The following CHST3 variants were observed in gnomAD, a reference collection of about 807,000 sequenced individuals.
The protein encoded by CHST3 is C6ST-1.
In CHST3, 20 loss-of-function variants were observed where a neutral mutation model predicts 35.4. The observed-to-expected ratio is 0.57, with a 90% CI of 0.40 to 0.82. CHST3 has a LOEUF of 0.82. CHST3 is among the 40% of genes least tolerant of loss of function. CHST3 has a pLI of 0.00. For missense variants in CHST3, 693 were observed against 670.1 expected (o/e 1.03, Z -0.38); for synonymous variants, 334 against 295.9 (o/e 1.13, Z -1.32).
At position 72,005,918 on chromosome 10, in the gene CHST3, C is replaced by T; in HGVS notation, c.76C>T (p.Leu26Phe). The change falls in exon 2 of 3, where the codon CTT (leucine) becomes TTT (phenylalanine). Residue 26 changes from leucine (L) to phenylalanine (F), a missense_variant. Leu to Phe is a conservative substitution (Grantham distance 22, BLOSUM62 0). Transcript: ENST00000373115. The stretch of plus-strand genomic sequence containing the variant: ...CCTGAAGATGAGAAGCAAATACGCC[C>T]TTTTCTTGGTTTTTGTGGTGATAGT... ...HSLKMRSKYA[L>F]FLVFVVIVFV... The T allele has an allele frequency of 6.2e-7, 1 of 1,614,136 alleles. No homozygotes were observed. Among genetic ancestry groups the T allele is most frequent in the Non-Finnish European group, 8.5e-7 (1 of 1,180,026 alleles).
intron 1 of CHST3, among the ~76,000 whole-genome samples, chr10:71,986,426 G>T (rs1451814963): frequency 6.6e-6 from 1 of 152,188 alleles, no homozygotes; most frequent in South Asian, 2.1e-4. Flanking sequence ...TAAAACAGCC[G>T]CAGCAGATTC....
intron 1 of CHST3, among the ~76,000 whole-genome samples, chr10:72,001,732 A>C (rs185146600): frequency 6.6e-6 from 1 of 152,144 alleles, no homozygotes; most frequent in East Asian, 1.9e-4. Flanking sequence ...TGGCCTCCCA[A>C]AGTGCTGGGA....
intron 1 of CHST3, among the ~76,000 whole-genome samples, chr10:71,997,462 C>G (rs1324381718): frequency 1.3e-5 from 2 of 152,178 alleles, no homozygotes; most frequent in Non-Finnish European, 2.9e-5. Context: ...GCCACCTGCT[C>G]TCTCCTGGAC....
Position 72,007,120 on chromosome 10 carries a change from G to T in CHST3, c.141-52G>T. 1.6e-5 allele frequency: 26 copies of T among 1,598,958 alleles called. No homozygotes were observed. In the South Asian group the frequency reaches 2.8e-4, roughly 17 times the overall value. ...TTGGAGGACTGCTTAGGGTTGCCCA[G>T]GAGACGGGGTCCCCAGTCAGCCACT... On this transcript the variant is annotated intron_variant, in intron 2 of 2. Coordinates refer to ENST00000373115, the MANE Select transcript of CHST3 (RefSeq NM_004273.5).
At chr10:71,978,437 C>A (rs998516426) in intron 1 of CHST3, among the ~76,000 whole-genome samples, 1 of 152,058 alleles carries the variant, frequency 6.6e-6, no homozygotes, top group African/African-American at 2.4e-5. Flanking sequence ...TCACCAGATT[C>A]CTAACCCCGT....
intron 1 of CHST3, among the ~76,000 whole-genome samples, chr10:71,993,327 C>A (rs1184136770): frequency 6.6e-6 from 1 of 152,224 alleles, no homozygotes; most frequent in Non-Finnish European, 1.5e-5. Flanking sequence ...GAGATTGCAG[C>A]AATTCGCTCA....
chr10:72,003,107 C>T (rs1378623986), intron 1 of CHST3, among the ~76,000 whole-genome samples: 1 of 152,162 alleles, frequency 6.6e-6, no homozygotes, highest in African/African-American at 2.4e-5. Flanking sequence ...GTAAAATGGG[C>T]TAGTTGCTGC....
intron 1 of CHST3, among the ~76,000 whole-genome samples, chr10:71,971,354 G>A (rs1003265528): frequency 3.9e-5 from 6 of 152,194 alleles, no homozygotes; most frequent in African/African-American, 9.6e-5. Context: ...TACATATTGG[G>A]CTTCTGAAAA....
At chr10:71,984,159 A>G (rs907149093) in intron 1 of CHST3, among the ~76,000 whole-genome samples, 1 of 152,162 alleles carries the variant, frequency 6.6e-6, no homozygotes, top group Non-Finnish European at 1.5e-5. Flanking sequence ...AGTAGCTGGG[A>G]TTACAGGCAT....
chr10:71,992,602 A>G (rs1182087838), intron 1 of CHST3, among the ~76,000 whole-genome samples: 2 of 151,512 alleles, frequency 1.3e-5, no homozygotes, highest in African/African-American at 4.9e-5. Flanking sequence ...TTTCAAAATT[A>G]GAGTCAATTC....
At chr10:71,998,764 AC>A (rs1181879730) in intron 1 of CHST3, among the ~76,000 whole-genome samples, 1 of 152,184 alleles carries the variant, frequency 6.6e-6, no homozygotes, top group Non-Finnish European at 1.5e-5. Context: ...GCCTGCTTCT[AC>A]TCAGTCTTGG....
chr10:71,982,933 C>T (rs987455192), intron 1 of CHST3, among the ~76,000 whole-genome samples: 4 of 152,208 alleles, frequency 2.6e-5, no homozygotes, highest in Admixed American at 2.6e-4. Flanking sequence ...CCAGGTTGTC[C>T]GACCCCTTCT....
intron 1 of CHST3, among the ~76,000 whole-genome samples, chr10:71,972,274 C>T (rs565274980): frequency 1.4e-4 from 22 of 152,238 alleles, no homozygotes; most frequent in East Asian, 1.2e-3. Flanking sequence ...CCTGTGCGTG[C>T]GTCTGTCCCG....
At chr10:72,005,298 T>TGTGG (rs1380088872) in intron 1 of CHST3, among the ~76,000 whole-genome samples, 1 of 138,592 alleles carries the variant, frequency 7.2e-6, no homozygotes, top group African/African-American at 3.4e-5. Flanking sequence ...TGTGTGTGTG[T>TGTGG]GTCTGTGTGT....
intron 1 of CHST3, among the ~76,000 whole-genome samples, chr10:71,979,922 TTTATA>T (rs375299789): frequency 1.1e-3 from 167 of 152,214 alleles, no homozygotes; most frequent in African/African-American, 3.8e-3. Context: ...GCCAGAAAGT[TTTATA>T]AGCACAGGGA....
In CHST3 at chr10:72,007,799, C is replaced by T. The variant is rs1416637363; in HGVS notation, c.768C>T (p.Asn256=). ...AGAACCGCCGCTGCGGCCCCCTCAACGTGACGCTGGCCGCAGAGGCCTGCC... is the reference window on the plus strand; with the variant it reads ...AGAACCGCCGCTGCGGCCCCCTCAATGTGACGCTGGCCGCAGAGGCCTGCC... ...HCKNRRCGPL[N]VTLAAEACRR... is the part of the protein sequence containing the mutation. The change falls in exon 3 of 3, where the codon AAC becomes AAT. Residue 256 remains asparagine (N), a synonymous_variant. Transcript: ENST00000373115. The T allele has an allele frequency of 1.2e-6, 2 of 1,601,880 alleles. No individual in the cohort carries two copies. Among genetic ancestry groups the T allele is most frequent in the South Asian group, 1.1e-5 (1 of 90,992 alleles).
chr10:71,968,876 T>C (rs1017865111), intron 1 of CHST3, among the ~76,000 whole-genome samples: 2 of 152,080 alleles, frequency 1.3e-5, no homozygotes, highest in African/African-American at 2.4e-5. Flanking sequence ...ATCTGAGAAG[T>C]TGGGACAAAG....
chr10:71,967,815 T>C (rs1017163078), intron 1 of CHST3, among the ~76,000 whole-genome samples: 1 of 152,110 alleles, frequency 6.6e-6, no homozygotes, highest in African/African-American at 2.4e-5. Flanking sequence ...CTCTGTTTTT[T>C]GTTTTTTGTT....
rs1013403968 is a variant in CHST3, at chr10:72,008,206, C to T, written c.1175C>T (p.Pro392Leu). 5 of 1,552,478 alleles carry T rather than the reference C, an allele frequency of 3.2e-6. No homozygotes were observed. Among genetic ancestry groups the T allele is most frequent in the Non-Finnish European group, 3.5e-6 (4 of 1,148,080 alleles). The change falls in exon 3 of 3, where the codon CCC becomes CTC. Residue 392 changes from proline to leucine, a missense_variant. Physicochemically the swap from Pro to Leu is moderately conservative, Grantham distance 98. Transcript: ENST00000373115. ...GAGATGTACCGCTTCGCCGGCATCCCCCTGACCCCGCAGGTGGAAGACTGG... is the reference window on the plus strand; with the variant it reads ...GAGATGTACCGCTTCGCCGGCATCCTCCTGACCCCGCAGGTGGAAGACTGG... ...AREMYRFAGI[P>L]LTPQVEDWIQ...
Sources: allele counts gnomAD v4.1 joint callset (sites outside exome capture counted in the v4.1 genomes callset), GRCh38; gene constraint gnomAD v4.1.1; transcripts MANE v1.5; gene names NCBI Gene and HGNC (gene_info 2026-07-23, HGNC 2026-07-21).